MACROD2: variants seen among roughly 807,000 people sequenced by gnomAD.
MACROD2 encodes the protein mono-ADP ribosylhydrolase 2, also known as ADP-ribose glycohydrolase MACROD2.
A neutral mutation model predicts 70.4 loss-of-function variants in MACROD2; 36 were observed. The observed-to-expected ratio is 0.51, with a 90% CI of 0.39 to 0.68. MACROD2 has a LOEUF of 0.68. Among genes scored for constraint, MACROD2 ranks in the 30% least tolerant of loss-of-function variants. MACROD2 has a pLI of 0.00. For synonymous variants in MACROD2, 172 were observed against 178.8 expected (o/e 0.96, Z 0.30); for missense variants, 496 against 538.4 (o/e 0.92, Z 0.78).
At chr20:15,046,490 C>A (rs560116921) in intron 5 of MACROD2, among the ~76,000 whole-genome samples, 3 of 152,310 alleles carry the variant, frequency 2.0e-5, no homozygotes, top group East Asian at 3.9e-4. Context: ...CACAATTACT[C>A]CCAGTAAACA....
intron 3 of MACROD2, among the ~76,000 whole-genome samples, chr20:14,207,122 T>G (rs2081530431): frequency 6.6e-6 from 1 of 152,132 alleles, no homozygotes. Context: ...TTTTTTTTTT[T>G]TGAGATGGAG....
At chr20:15,186,159 C>A (rs144601265) in intron 5 of MACROD2, among the ~76,000 whole-genome samples, 4 of 152,168 alleles carry the variant, frequency 2.6e-5, no homozygotes, top group Non-Finnish European at 5.9e-5. Flanking sequence ...TAGTCTGGGC[C>A]TTTTTGATAT....
intron 8 of MACROD2, among the ~76,000 whole-genome samples, chr20:15,627,854 A>G (rs954674730): frequency 2.0e-5 from 3 of 152,208 alleles, no homozygotes; most frequent in Non-Finnish European, 2.9e-5. Flanking sequence ...CATGTAAACT[A>G]TAAACTAAAG....
chr20:14,407,458 G>A (rs1265707748), intron 3 of MACROD2, among the ~76,000 whole-genome samples: 1 of 151,982 alleles, frequency 6.6e-6, no homozygotes, highest in Non-Finnish European at 1.5e-5. Flanking sequence ...TTTGATTATA[G>A]TTTGACAGTG....
intron 8 of MACROD2, among the ~76,000 whole-genome samples, chr20:15,655,331 T>TTTTAACATTTAACA (rs2049713113): frequency 1.3e-5 from 2 of 150,754 alleles, no homozygotes; most frequent in African/African-American, 4.8e-5. Context: ...TTTTTTTTTT[T>TTTTAACATTTAACA]TTTAACATTC....
chr20:15,899,908 G>GTTA (rs915676558), intron 10 of MACROD2, among the ~76,000 whole-genome samples: 24 of 152,018 alleles, frequency 1.6e-4, no homozygotes, highest in Admixed American at 2.0e-4. Context: ...TAATATTAAA[G>GTTA]TTATTATTAT....
intron 4 of MACROD2, among the ~76,000 whole-genome samples, chr20:14,541,508 C>G (rs1437456693): frequency 6.6e-6 from 1 of 152,094 alleles, no homozygotes; most frequent in Admixed American, 6.6e-5. Flanking sequence ...CTTCCCTGAA[C>G]TAAACTCTAT....
chr20:14,000,022 AC>A (rs36070629), intron 1 of MACROD2, among the ~76,000 whole-genome samples: 12 of 152,196 alleles, frequency 7.9e-5, no homozygotes, highest in African/African-American at 1.9e-4. Flanking sequence ...CAAGAAAAAA[AC>A]AACTCTGTTT....
intron 3 of MACROD2, among the ~76,000 whole-genome samples, chr20:14,187,139 G>GAAAAAA (rs71335951): frequency 1.1e-4 from 12 of 112,974 alleles, no homozygotes; most frequent in African/African-American, 1.0e-4. Flanking sequence ...TTTAAAAAAG[G>GAAAAAA]AAAAAAAAAA....
chr20:15,110,186 G>A (rs369712229), intron 5 of MACROD2, among the ~76,000 whole-genome samples: 37 of 152,238 alleles, frequency 2.4e-4, no homozygotes, highest in African/African-American at 8.4e-4. Context: ...CAATGCTCCT[G>A]TGCAGTGGTG....
chr20:14,545,647 G>T (rs2085483760), intron 4 of MACROD2, among the ~76,000 whole-genome samples: 1 of 152,152 alleles, frequency 6.6e-6, no homozygotes, highest in African/African-American at 2.4e-5. Context: ...TTAAGATAGT[G>T]CATTTCATAA....
At chr20:15,647,994 G>C (rs1342468686) in intron 8 of MACROD2, among the ~76,000 whole-genome samples, 1 of 152,096 alleles carries the variant, frequency 6.6e-6, no homozygotes, top group Non-Finnish European at 1.5e-5. Context: ...AAAGTGCTGG[G>C]ATTACAGGCA....
chr20:14,440,120 C>T (rs1462344142), intron 3 of MACROD2, among the ~76,000 whole-genome samples: 2 of 152,152 alleles, frequency 1.3e-5, no homozygotes, highest in Non-Finnish European at 2.9e-5. Flanking sequence ...TGGGCTTTAG[C>T]AGCAAACTCC....
chr20:15,197,009 G>T (rs377080870), intron 5 of MACROD2: 1 of 985,388 alleles, frequency 1.0e-6, no homozygotes, highest in Non-Finnish European at 1.2e-6. Context: ...ACTCAGGAAG[G>T]TCGCATAGAG....
chr20:15,553,413 G>A (rs757154185), intron 8 of MACROD2, among the ~76,000 whole-genome samples: 1 of 152,092 alleles, frequency 6.6e-6, no homozygotes, highest in Non-Finnish European at 1.5e-5. Flanking sequence ...CCTGGCATAT[G>A]ATGGGTATTT....
chr20:14,617,477 C>T (rs545877469), intron 4 of MACROD2, among the ~76,000 whole-genome samples: 2 of 152,180 alleles, frequency 1.3e-5, no homozygotes, highest in African/African-American at 2.4e-5. Flanking sequence ...TATGGGTAAA[C>T]ACAAACCATT....
At position 15,905,201 on chromosome 20, in the gene MACROD2, G is replaced by A. The variant is rs939013803; in HGVS notation, c.775+19390G>A. Among the ~76,000 whole-genome samples the A allele has an allele frequency of 2.0e-5, 3 of 152,024 alleles. No homozygotes were observed. The East Asian group carries it at 5.8e-4, about 29-fold the overall frequency. The stretch of plus-strand genomic sequence containing the variant: ...AATCATGGCTTTTAATGGCCAAGTG[G>A]GCCTCTGAGAACATCTAGGGCAACA... On this transcript the variant is annotated intron_variant, in intron 10 of 17. Transcript: ENST00000684519.
In MACROD2 at chr20:15,454,644, C is replaced by T. The variant is rs536156382; in HGVS notation, c.571+23209C>T. Among the ~76,000 whole-genome samples, 46 of 134,416 alleles carry T rather than the reference C, an allele frequency of 3.4e-4. 5 individuals are homozygous for T. The highest frequency in any genetic ancestry group is 3.0e-3 in the South Asian group (11 of 3,672). The allele number at this position is 134,416 out of a possible 152,430, so 88.2% of individuals were successfully genotyped here. A position where few individuals can be genotyped will look rare whatever the true frequency, so the allele number is the denominator to read the frequency against. The stretch of plus-strand genomic sequence containing the variant: ...TGAGAGACAGCCTAACATTCCAGGC[C>T]AAGTTTCCAGCAGTCACGCTGGCTC... On this transcript the variant is annotated intron_variant, in intron 7 of 17. Transcript: ENST00000684519.
chr20:15,602,942 A>T (rs1265462908), intron 8 of MACROD2, among the ~76,000 whole-genome samples: 7 of 34,784 alleles, frequency 2.0e-4, no homozygotes, highest in Non-Finnish European at 3.2e-4. Flanking sequence ...CCATTTTCTT[A>T]AAAAAAAAAA....
Sources: gnomAD v4.1 joint callset for allele counts (sites outside exome capture counted in the v4.1 genomes callset) on GRCh38, gnomAD v4.1.1 for gene constraint, MANE v1.5 for transcripts, NCBI Gene and HGNC (gene_info 2026-07-23, HGNC 2026-07-21) for gene names.